The following HEXB variants were observed in gnomAD, a reference collection of about 807,000 sequenced individuals.
HEXB encodes the protein beta-hexosaminidase subunit beta.
In HEXB, 51 loss-of-function variants were observed where a neutral mutation model predicts 71.2. The ratio of observed to expected loss-of-function variants is 0.72; its 90% CI spans 0.57 to 0.90. The LOEUF (loss-of-function observed/expected upper bound fraction) is 0.90. Among genes scored for constraint, HEXB ranks in the 40% least tolerant of loss-of-function variants. The pLI is 0.00. For missense variants in HEXB, 617 were observed against 677.0 expected (o/e 0.91, Z 0.98); for synonymous variants, 266 against 249.3 (o/e 1.07, Z -0.63).
chr5:74,659,990 A>T (rs764533307), intron 1 of HEXB, among the ~76,000 whole-genome samples: 1 of 152,160 alleles, frequency 6.6e-6, no homozygotes, highest in Non-Finnish European at 1.5e-5. Context: ...AATGGAGAGG[A>T]TTAGGAGACA....
intron 5 of HEXB, among the ~76,000 whole-genome samples, chr5:74,705,008 C>T (rs1749347335): frequency 6.8e-6 from 1 of 147,856 alleles, no homozygotes; most frequent in South Asian, 2.1e-4. Flanking sequence ...GGGAGGATCA[C>T]TTGAGACTGG....
chr5:74,685,626 T>A, intron 1 of HEXB, 67 bp downstream of exon 1: 1 of 1,416,638 alleles, frequency 7.1e-7, no homozygotes, highest in Non-Finnish European at 9.5e-7. Context: ...CCCGGAGCGC[T>A]GTGCAGACCC....
Position 74,715,497 on chromosome 5 carries a change from T to C in HEXB, c.902-13T>C. On this transcript the variant is annotated splice_polypyrimidine_tract_variant and intron_variant, in intron 7 of 13. Transcript: ENST00000261416. The stretch of plus-strand genomic sequence containing the variant: ...ACACTTCTTTTAAAAAGAATCTTAA[T>C]ATTTTCTTCTAGGTCAGAAAGACCT... The C allele has an allele frequency of 6.4e-7, 1 of 1,573,210 alleles. No homozygotes were observed. Among genetic ancestry groups the C allele is most frequent in the Non-Finnish European group, 8.7e-7 (1 of 1,142,978 alleles).
At chr5:74,676,430 G>A (rs903987667) in intron 1 of HEXB, among the ~76,000 whole-genome samples, 5 of 152,100 alleles carry the variant, frequency 3.3e-5, no homozygotes, top group African/African-American at 9.7e-5. Flanking sequence ...CCAAAGTGCT[G>A]GGACTTTAGG....
chr5:74,645,264 C>T (rs1208498173), intron 1 of HEXB, among the ~76,000 whole-genome samples: 2 of 152,122 alleles, frequency 1.3e-5, no homozygotes, highest in Non-Finnish European at 2.9e-5. Context: ...TATTCACAGG[C>T]CGACATGGTT....
At chr5:74,717,092 A>G (rs953838050) in intron 9 of HEXB, among the ~76,000 whole-genome samples, 1 of 152,228 alleles carries the variant, frequency 6.6e-6, no homozygotes. Flanking sequence ...CGGGCGGCTG[A>G]GGGAGAATCT....
chr5:74,641,108 C>G lies in HEXB; in HGVS notation c.-377+550C>G, dbSNP rs1747862507. 6.6e-6 allele frequency: 1 copy of G among 152,062 alleles called. No individual in the cohort carries two copies. Among genetic ancestry groups the G allele is most frequent in the African/African-American group, 2.4e-5 (1 of 41,402 alleles). The allele number at this position is 152,062 out of a possible 1,614,324, so 9.4% of individuals were successfully genotyped here. A position where few individuals can be genotyped will look rare whatever the true frequency, so the allele number is the denominator to read the frequency against. ...ATCTGAGGGACCCACCTTAGGGGAG[C>G]GCAGCCCGGGGCTGTGCGCTTGGTG... On this transcript the variant is annotated intron_variant, in intron 1 of 13. Coordinates refer to the HEXB transcript ENST00000511181. This position sits in a 1 kb window ranked among gnomAD's most constrained non-coding sequence, Gnocchi z 4.1.
At chr5:74,720,817 T>A (rs1290452599) in intron 13 of HEXB, 70 bp downstream of exon 13, 7 of 1,206,400 alleles carry the variant, frequency 5.8e-6, no homozygotes, top group East Asian at 2.4e-5. Flanking sequence ...TTGCTATAAA[T>A]AGAAATGTAT....
chr5:74,670,541 G>A (rs554875185), intron 1 of HEXB, among the ~76,000 whole-genome samples: 26 of 152,280 alleles, frequency 1.7e-4, no homozygotes, highest in Admixed American at 7.8e-4. Context: ...CCAGTGAAGC[G>A]CAGCTGCCTC....
chr5:74,719,307 A>T (rs192589882), intron 11 of HEXB, among the ~76,000 whole-genome samples: 1 of 152,270 alleles, frequency 6.6e-6, no homozygotes, highest in African/African-American at 2.4e-5. Context: ...TTAACCTTAC[A>T]TGCCCTCTTC....
chr5:74,719,224 G>C (rs1425332164), intron 11 of HEXB, among the ~76,000 whole-genome samples: 1 of 152,082 alleles, frequency 6.6e-6, no homozygotes, highest in African/African-American at 2.4e-5. Context: ...AAGTATTATA[G>C]ATCCCCTTAG....
chr5:74,648,649 C>G (rs1311317322), intron 1 of HEXB, among the ~76,000 whole-genome samples: 1 of 152,196 alleles, frequency 6.6e-6, no homozygotes, highest in Non-Finnish European at 1.5e-5. Flanking sequence ...ACAGGAACAC[C>G]TAGGTACATT....
Position 74,718,843 on chromosome 5 carries a change from C to G in HEXB, c.1289C>G (p.Pro430Arg). Residue 430 changes from proline to arginine, a missense_variant, in exon 11 of 14, where the codon CCT becomes CGT. Transcript: ENST00000261416. ...IVEVWKDSAYPEELSRVTASG... is the reference protein window; with the variant it reads ...IVEVWKDSAYREELSRVTASG... ...GAAGTATGGAAAGACAGCGCATATCCTGAGGAACTCAGTAGAGTCACAGCA... is the reference window on the plus strand; with the variant it reads ...GAAGTATGGAAAGACAGCGCATATCGTGAGGAACTCAGTAGAGTCACAGCA... 6.2e-7 allele frequency: 1 copy of G among 1,614,130 alleles called. No homozygotes were observed.
intron 1 of HEXB, among the ~76,000 whole-genome samples, chr5:74,658,725 A>G (rs974803919): frequency 6.6e-6 from 1 of 152,198 alleles, no homozygotes; most frequent in Non-Finnish European, 1.5e-5. Flanking sequence ...GAACCTTCCT[A>G]AACTCTGCCC....
rs145536028 is a variant in HEXB at position 74,692,740 on chromosome 5, G to A, written c.446-899G>A. Among the ~76,000 whole-genome samples the A allele has an allele frequency of 3.9e-5, 6 of 152,302 alleles. No individual in the cohort carries two copies. In the East Asian group the frequency reaches 9.6e-4, roughly 24 times the overall value. ...GTAGAAGGTGATAAACCACCCCAGA[G>A]GACACAGTATTAAATCATTAATCTC... On this transcript the variant is annotated intron_variant, in intron 2 of 13. Transcript: ENST00000261416.
At chr5:74,675,201 C>T (rs1223444024) in intron 1 of HEXB, among the ~76,000 whole-genome samples, 1 of 152,162 alleles carries the variant, frequency 6.6e-6, no homozygotes, top group Non-Finnish European at 1.5e-5. Context: ...AGGATTCCTG[C>T]TGAAGGCAGG....
intron 1 of HEXB, among the ~76,000 whole-genome samples, chr5:74,661,535 G>C (rs1045207717): frequency 1.8e-4 from 26 of 147,154 alleles, no homozygotes; most frequent in Non-Finnish European, 3.3e-4. Context: ...GTGTGTGTGT[G>C]TGTGTGTGTG....
intron 1 of HEXB, among the ~76,000 whole-genome samples, chr5:74,648,186 C>T (rs1561199768): frequency 6.6e-6 from 1 of 151,882 alleles, no homozygotes; most frequent in Non-Finnish European, 1.5e-5. Context: ...AGCATAAAAG[C>T]ACTCTGAAAC....
At position 74,718,823 on chromosome 5, in the gene HEXB, A is replaced by G. The variant is rs746407358; in HGVS notation, c.1269A>G (p.Val423=). 64 of 1,614,088 alleles carry G rather than the reference A, an allele frequency of 4.0e-5. No individual in the cohort carries two copies. The highest frequency in any genetic ancestry group is 5.2e-5 in the Non-Finnish European group (61 of 1,180,040). The change falls in exon 11 of 14, where the codon GTA becomes GTG. Residue 423 remains valine (V), a synonymous_variant. Transcript: ENST00000261416. ...TTGCGCCGGGCACAATAGTTGAAGT[A>G]TGGAAAGACAGCGCATATCCTGAGG... is the stretch of plus-strand genomic sequence containing the variant. ...AKLAPGTIVE[V]WKDSAYPEEL...
Sources: gnomAD v4.1 joint callset for allele counts (sites outside exome capture counted in the v4.1 genomes callset) on GRCh38, gnomAD v4.1.1 for gene constraint, Gnocchi (gnomAD v3.1) non-coding constraint, MANE v1.5 for transcripts, NCBI Gene and HGNC (gene_info 2026-07-23, HGNC 2026-07-21) for gene names.